The following NEGR1 variants were observed in gnomAD, a reference collection of about 807,000 sequenced individuals.
NEGR1 encodes IgLON family member 4.
NEGR1 carries 10 observed loss-of-function variants against 40.9 expected under a neutral mutation model. The observed-to-expected ratio is 0.24, with a 90% confidence interval of 0.15 to 0.42. The LOEUF (loss-of-function observed/expected upper bound fraction) is 0.42, where lower values mean the gene tolerates loss of function less well. Among genes scored for constraint, NEGR1 ranks in the 10% least tolerant of loss-of-function variants. NEGR1 has a pLI of 1.00. For synonymous variants in NEGR1, 185 were observed against 166.8 expected (o/e 1.11, Z -0.84); for missense variants, 352 against 438.9 (o/e 0.80, Z 1.77).
chr1:72,144,815 C>T (rs556370522), intron 1 of NEGR1, among the ~76,000 whole-genome samples: 2 of 152,098 alleles, frequency 1.3e-5, no homozygotes, highest in Admixed American at 1.3e-4. Context: ...ACTGTACCCC[C>T]ATGTATCTTA....
chr1:71,578,051 G>GCCATACTGAATAAAGGCTGCGATACTT (rs1649018313), intron 6 of NEGR1, among the ~76,000 whole-genome samples: 1 of 152,020 alleles, frequency 6.6e-6, no homozygotes, highest in Non-Finnish European at 1.5e-5. Flanking sequence ...TCTTACAGGA[G>GCCATACTGAATAAAGGCTGCGATACTT]CCATACTGAA....
chr1:71,482,720 TATCTCA>T (rs1308703478), intron 6 of NEGR1, among the ~76,000 whole-genome samples: 6 of 151,890 alleles, frequency 4.0e-5, no homozygotes, highest in African/African-American at 1.4e-4. Context: ...TTATTAGGTT[TATCTCA>T]ATGCCTGAGT....
chr1:71,997,151 A>G (rs1412297890), intron 1 of NEGR1, among the ~76,000 whole-genome samples: 3 of 152,082 alleles, frequency 2.0e-5, no homozygotes, highest in Non-Finnish European at 2.9e-5. Context: ...ATAACCTGCC[A>G]TTATTCAAAA....
intron 1 of NEGR1, among the ~76,000 whole-genome samples, chr1:71,984,110 T>G (rs188660426): frequency 6.8e-6 from 1 of 146,226 alleles, no homozygotes; most frequent in East Asian, 2.5e-4. Flanking sequence ...GTTATCTCTA[T>G]GCTATCCTTT....
At chr1:71,836,457 A>G (rs1031083046) in intron 2 of NEGR1, among the ~76,000 whole-genome samples, 1 of 129,764 alleles carries the variant, frequency 7.7e-6, no homozygotes, top group African/African-American at 2.8e-5. Context: ...CAAAAAAAAC[A>G]AAAAACAACA....
At chr1:71,594,122 C>T (rs577769391) in intron 5 of NEGR1, among the ~76,000 whole-genome samples, 60 of 152,194 alleles carry the variant, frequency 3.9e-4, no homozygotes, top group African/African-American at 1.3e-3. Flanking sequence ...TTAGTAAGCC[C>T]GCTTCAGTCA....
chr1:72,095,616 C>A (rs1648667209), intron 1 of NEGR1, among the ~76,000 whole-genome samples: 1 of 152,050 alleles, frequency 6.6e-6, no homozygotes, highest in African/African-American at 2.4e-5. Flanking sequence ...GTCGAAACCT[C>A]TCCTTCCCCA....
At position 71,941,727 on chromosome 1, in the gene NEGR1, G is replaced by C. The variant is rs531234005; in HGVS notation, c.177-6416C>G. 3.0e-4 allele frequency among the ~76,000 whole-genome samples: 45 copies of C among 152,028 alleles called. No individual in the cohort carries two copies. The East Asian group carries it at 3.1e-3, about 10-fold the overall frequency. On this transcript the variant is annotated intron_variant, in intron 1 of 6. Coordinates refer to ENST00000357731, the MANE Select transcript of NEGR1 (RefSeq NM_173808.3). Reference sequence around the variant, plus strand: ...CTTCAGCAGGTAACAGTTCAATACCGTTCAGTATACAATAGTAATATGTTA... The same window carrying C: ...CTTCAGCAGGTAACAGTTCAATACCCTTCAGTATACAATAGTAATATGTTA...
At chr1:71,653,676 C>T (rs1651787920) in intron 4 of NEGR1, among the ~76,000 whole-genome samples, 1 of 152,114 alleles carries the variant, frequency 6.6e-6, no homozygotes, top group Non-Finnish European at 1.5e-5. Flanking sequence ...GTATGCCATG[C>T]ATGTTACTAT....
intron 2 of NEGR1, among the ~76,000 whole-genome samples, chr1:71,824,460 T>C (rs1658545381): frequency 6.6e-6 from 1 of 151,858 alleles, no homozygotes; most frequent in Non-Finnish European, 1.5e-5. Flanking sequence ...TCTTACCCAT[T>C]ATATTGAGCC....
At chr1:71,675,376 C>T (rs1030683545) in intron 4 of NEGR1, among the ~76,000 whole-genome samples, 12 of 150,650 alleles carry the variant, frequency 8.0e-5, no homozygotes, top group Non-Finnish European at 1.6e-4. Flanking sequence ...TTCCCATTCA[C>T]CACTAGATCA....
At chr1:71,950,373 GAGA>G (rs1425521428) in intron 1 of NEGR1, among the ~76,000 whole-genome samples, 3 of 151,970 alleles carry the variant, frequency 2.0e-5, no homozygotes, top group East Asian at 3.9e-4. Context: ...TTATAAATTA[GAGA>G]AGAAGGAAAG....
intron 6 of NEGR1, among the ~76,000 whole-genome samples, chr1:71,489,120 G>T (rs974780847): frequency 2.0e-5 from 3 of 151,660 alleles, no homozygotes; most frequent in Non-Finnish European, 4.4e-5. Flanking sequence ...ACGGATTAAA[G>T]ATAAACAGAT....
chr1:71,435,435 T>A (rs1646503130), intron 6 of NEGR1, among the ~76,000 whole-genome samples: 1 of 151,518 alleles, frequency 6.6e-6, no homozygotes, highest in Non-Finnish European at 1.5e-5. Context: ...AACCAAGAGG[T>A]AGCAGACAAA....
intron 1 of NEGR1, among the ~76,000 whole-genome samples, chr1:72,210,811 C>G (rs1011261350): frequency 2.0e-5 from 3 of 151,730 alleles, no homozygotes; most frequent in African/African-American, 7.3e-5. Context: ...GCAATATAAA[C>G]CAACGTATTT....
intron 6 of NEGR1, among the ~76,000 whole-genome samples, chr1:71,441,565 T>C (rs1646547272): frequency 6.6e-6 from 1 of 152,168 alleles, no homozygotes; most frequent in Non-Finnish European, 1.5e-5. Context: ...ACAACAGTAA[T>C]GAAGTAAAAT....
At chr1:71,992,053 C>T (rs1255496977) in intron 1 of NEGR1, among the ~76,000 whole-genome samples, 1 of 152,018 alleles carries the variant, frequency 6.6e-6, no homozygotes, top group Non-Finnish European at 1.5e-5. Flanking sequence ...CCTTGGCCTC[C>T]CAAAGTGCTG....
intron 1 of NEGR1, among the ~76,000 whole-genome samples, chr1:72,067,302 C>A (rs1425005438): frequency 2.0e-5 from 3 of 151,964 alleles, no homozygotes; most frequent in African/African-American, 7.2e-5. Context: ...ATTTCCATTA[C>A]CCTTAATGAG....
At chr1:71,470,234 T>A (rs1288016480) in intron 6 of NEGR1, among the ~76,000 whole-genome samples, 1 of 152,226 alleles carries the variant, frequency 6.6e-6, no homozygotes, top group African/African-American at 2.4e-5. Flanking sequence ...TCTTTTTTTT[T>A]CCTACTATCG....
Sources: gnomAD v4.1 joint callset for allele counts (sites outside exome capture counted in the v4.1 genomes callset) on GRCh38, gnomAD v4.1.1 for gene constraint, MANE v1.5 for transcripts, NCBI Gene and HGNC (gene_info 2026-07-23, HGNC 2026-07-21) for gene names.